Variants in NDUFAB1 observed in about 807,000 individuals in gnomAD.
The protein encoded by NDUFAB1 is acyl carrier protein, mitochondrial.
NDUFAB1 carries 5 observed loss-of-function variants against 16.1 expected under a neutral mutation model. The ratio of observed to expected loss-of-function variants is 0.31; its 90% CI spans 0.16 to 0.65. The LOEUF (loss-of-function observed/expected upper bound fraction) is 0.65, where lower values mean the gene tolerates loss of function less well. Among genes scored for constraint, NDUFAB1 ranks in the 30% least tolerant of loss-of-function variants. The pLI, the probability that NDUFAB1 is intolerant of heterozygous loss-of-function variation, is 0.77. For synonymous variants in NDUFAB1, 85 were observed against 78.4 expected, an observed-to-expected ratio of 1.08 and a Z score of -0.44; for missense variants, 187 against 205.3, an observed-to-expected ratio of 0.91 and a Z score of 0.54.
At chr16:23,584,250 TC>T (rs1567407376) in intron 3 of NDUFAB1, among the ~76,000 whole-genome samples, 1,237 of 6,438 alleles carry the variant, frequency 0.19, 67 homozygotes, top group Non-Finnish European at 0.23. Flanking sequence ...CCAAGAATGA[TC>T]AATTAAAAAA....
At chr16:23,594,753 G>T (rs994663288) in intron 1 of NDUFAB1, among the ~76,000 whole-genome samples, 1 of 151,920 alleles carries the variant, frequency 6.6e-6, no homozygotes, top group Non-Finnish European at 1.5e-5. Context: ...CTCCCAAAGT[G>T]CTGGGATTAC....
intron 4 of NDUFAB1, among the ~76,000 whole-genome samples, chr16:23,581,521 G>A (rs1420009353): frequency 1.3e-5 from 2 of 150,348 alleles, no homozygotes; most frequent in African/African-American, 2.5e-5. Flanking sequence ...ACTCCAGCCT[G>A]GGCAACAGAG....
intron 1 of NDUFAB1, among the ~76,000 whole-genome samples, chr16:23,595,155 G>A (rs746659474): frequency 6.6e-6 from 1 of 152,110 alleles, no homozygotes; most frequent in Non-Finnish European, 1.5e-5. Flanking sequence ...GGGGGGCTGA[G>A]GGAGGAGAAT....
intron 1 of NDUFAB1, among the ~76,000 whole-genome samples, chr16:23,594,308 A>G (rs1446438233): frequency 6.6e-6 from 1 of 152,152 alleles, no homozygotes; most frequent in Non-Finnish European, 1.5e-5. Context: ...ACACTTGATG[A>G]CTTCTAAAAA....
At chr16:23,596,046 C>G in intron 1 of NDUFAB1, 77 bp downstream of exon 1, 1 of 1,508,258 alleles carries the variant, frequency 6.6e-7, no homozygotes, top group Non-Finnish European at 8.9e-7. Context: ...CTGGCGCGCC[C>G]CGGATGCCCG....
At chr16:23,584,394 T>C (rs989943752) in intron 3 of NDUFAB1, among the ~76,000 whole-genome samples, 1 of 151,720 alleles carries the variant, frequency 6.6e-6, no homozygotes, top group Non-Finnish European at 1.5e-5. Context: ...ATATAACGTG[T>C]CATCTTCTGT....
At chr16:23,586,557 T>A (rs801754) in intron 2 of NDUFAB1, among the ~76,000 whole-genome samples, 41,766 of 150,976 alleles carry the variant, frequency 0.28, 6,542 homozygotes, top group African/African-American at 0.43. Flanking sequence ...CTGCTCTTCA[T>A]TTCCTGACCT....
chr16:23,596,310 G>A lies in NDUFAB1; in HGVS notation c.-20C>T. The A allele has an allele frequency of 1.3e-6, 2 of 1,527,188 alleles. No homozygotes were observed. 94.6% of individuals were successfully genotyped at this position (1,527,188 alleles called of 1,614,324 possible). ...CGCCATGGCTACGCCAACCCAGGAT[G>A]CACTGCGCCGCCGCCTCCGGACCAG... On this transcript the variant is annotated 5_prime_UTR_variant, in exon 1 of 5. Coordinates refer to ENST00000007516, the MANE Select transcript of NDUFAB1 (RefSeq NM_005003.3).
intron 3 of NDUFAB1, among the ~76,000 whole-genome samples, chr16:23,584,809 T>C (rs1465753374): frequency 2.6e-5 from 4 of 152,202 alleles, no homozygotes; most frequent in African/African-American, 4.8e-5. Context: ...TGATTTCCTA[T>C]TCAGCCAACT....
At position 23,583,724 on chromosome 16, in the gene NDUFAB1, CGTCTCCGCCCGG is replaced by C. The variant is rs1567407195; in HGVS notation, c.380-1361_380-1350del. Among the ~76,000 whole-genome samples the C allele has an allele frequency of 4.7e-4, 55 of 117,208 alleles. 3 individuals are homozygous for C. Among genetic ancestry groups the C allele is most frequent in the African/African-American group, 2.0e-3 (53 of 26,294 alleles). 76.9% of individuals were successfully genotyped at this position (117,208 alleles called of 152,430 possible). A position where few individuals can be genotyped will look rare whatever the true frequency, so the allele number is the denominator to read the frequency against. The stretch of plus-strand genomic sequence containing the variant: ...GCCGCCCCGTCTGGGAAGTGAGGAG[CGTCTCCGCCCGG>C]CAGCCGCCCCGTCAGGGAGGTGTAC... On this transcript the variant is annotated intron_variant, in intron 3 of 4. Coordinates refer to ENST00000007516, the MANE Select transcript of NDUFAB1 (RefSeq NM_005003.3).
intron 1 of NDUFAB1, among the ~76,000 whole-genome samples, chr16:23,589,267 A>G (rs1966258502): frequency 6.6e-6 from 1 of 151,776 alleles, no homozygotes; most frequent in African/African-American, 2.4e-5. Context: ...TTTACACTCC[A>G]GCATGGGTGA....
At chr16:23,582,915 T>C (rs1383078712) in intron 3 of NDUFAB1, among the ~76,000 whole-genome samples, 2 of 148,716 alleles carry the variant, frequency 1.3e-5, no homozygotes, top group African/African-American at 4.9e-5. Flanking sequence ...GCAACCTCCC[T>C]GCCTGATTCT....
In NDUFAB1 at chr16:23,583,755, G is replaced by A. The variant is rs977242620; in HGVS notation, c.380-1380C>T. On this transcript the variant is annotated intron_variant, in intron 3 of 4. Coordinates refer to ENST00000007516, the MANE Select transcript of NDUFAB1 (RefSeq NM_005003.3). ...CGCCCGGCAGCCGCCCCGTCAGGGA[G>A]GTGTACCCAACAGCTCATTGAGAAC... Among the ~76,000 whole-genome samples, 114 of 151,862 alleles carry A rather than the reference G, an allele frequency of 7.5e-4. 7 individuals carry two copies. Among genetic ancestry groups the A allele is most frequent in the African/African-American group, 2.5e-3 (105 of 41,310 alleles).
intron 1 of NDUFAB1, among the ~76,000 whole-genome samples, chr16:23,593,883 T>G (rs1377107928): frequency 1.4e-5 from 2 of 143,670 alleles, no homozygotes; most frequent in African/African-American, 5.1e-5. Flanking sequence ...TTTATTTATT[T>G]ATTTATTTAT....
At chr16:23,586,674 G>A (rs1416575503) in intron 2 of NDUFAB1, among the ~76,000 whole-genome samples, 1 of 148,832 alleles carries the variant, frequency 6.7e-6, no homozygotes, top group Admixed American at 6.8e-5. Flanking sequence ...TTGAGATGGA[G>A]TTTCACTCTT....
chr16:23,587,433 C>T (rs1399602244), intron 1 of NDUFAB1, 114 bp from the exon 2 acceptor site: 4 of 1,313,426 alleles, frequency 3.0e-6, no homozygotes, highest in South Asian at 2.9e-5. Flanking sequence ...GAACCCACAG[C>T]ATCTGATTCT....
chr16:23,583,708 T>C lies in NDUFAB1; in HGVS notation c.380-1333A>G, dbSNP rs934463713. On this transcript the variant is annotated intron_variant, in intron 3 of 4. Coordinates refer to ENST00000007516, the MANE Select transcript of NDUFAB1 (RefSeq NM_005003.3). ...GCCCCTCTGCCCGGCAGCCGCCCCG[T>C]CTGGGAAGTGAGGAGCGTCTCCGCC... Among the ~76,000 whole-genome samples, 56 of 126,814 alleles carry C rather than the reference T, an allele frequency of 4.4e-4. 3 individuals carry two copies. The highest frequency in any genetic ancestry group is 1.7e-3 in the African/African-American group (53 of 30,286). 83.2% of individuals were successfully genotyped at this position (126,814 alleles called of 152,430 possible).
At chr16:23,583,408 G>A (rs996724113) in intron 3 of NDUFAB1, among the ~76,000 whole-genome samples, 4 of 151,838 alleles carry the variant, frequency 2.6e-5, no homozygotes, top group South Asian at 2.1e-4. Flanking sequence ...GGGAAGTGAG[G>A]AGCGCCTCTT....
chr16:23,587,826 C>T (rs185657558), intron 1 of NDUFAB1, among the ~76,000 whole-genome samples: 127 of 152,360 alleles, frequency 8.3e-4, no homozygotes, highest in African/African-American at 2.6e-3. Flanking sequence ...TCTCCCTGAT[C>T]TCAGCCAGGA....
Sources: allele counts gnomAD v4.1 joint callset (sites outside exome capture counted in the v4.1 genomes callset), GRCh38; gene constraint gnomAD v4.1.1; transcripts MANE v1.5; gene names NCBI Gene and HGNC (gene_info 2026-07-23, HGNC 2026-07-21).